The following ZNF737 variants were observed in gnomAD, a reference collection of about 807,000 sequenced individuals.
The protein encoded by ZNF737 is zinc finger protein 737, also known as zinc finger protein 102 (Y3).
In ZNF737, 13 loss-of-function variants were observed where a neutral mutation model predicts 11.7. The ratio of observed to expected loss-of-function variants is 1.11; its 90% CI spans 0.73 to 1.77. ZNF737 has a LOEUF of 1.77. ZNF737 is among the 40% of genes most tolerant of loss of function. The pLI is 0.00. For missense variants in ZNF737, 636 were observed against 638.0 expected (o/e 1.00, Z 0.03); for synonymous variants, 217 against 216.2 (o/e 1.00, Z -0.03).
rs926895674 is a variant in ZNF737 at position 20,543,181 on chromosome 19, G to A, written c.*1411C>T. The A allele has an allele frequency of 1.5e-5, 15 of 979,350 alleles. No homozygotes were observed. The highest frequency in any genetic ancestry group is 1.0e-3 in the Middle Eastern group (2 of 1,922). The allele number at this position is 979,350 out of a possible 1,614,324, so 60.7% of individuals were successfully genotyped here. On this transcript the variant is annotated 3_prime_UTR_variant, in exon 4 of 4. Coordinates refer to ENST00000427401, the MANE Select transcript of ZNF737 (RefSeq NM_001159293.2). ...TATATTTTAGCATAAACTCTCTGTTGTTTTCTAAGCTGTAGTTTCTGGGGA... is the reference window on the plus strand; with the variant it reads ...TATATTTTAGCATAAACTCTCTGTTATTTTCTAAGCTGTAGTTTCTGGGGA...
chr19:20,548,749 T>C (rs1393386955), intron 3 of ZNF737, among the ~76,000 whole-genome samples: 1 of 110,942 alleles, frequency 9.0e-6, no homozygotes, highest in Non-Finnish European at 1.9e-5. Flanking sequence ...GCTATTATTA[T>C]TATTATTTTT....
At chr19:20,552,204 A>C (rs1968701281) in intron 3 of ZNF737, among the ~76,000 whole-genome samples, 1 of 152,090 alleles carries the variant, frequency 6.6e-6, no homozygotes, top group African/African-American at 2.4e-5. Flanking sequence ...AGTATTTTAT[A>C]TGCCATGAAG....
At chr19:20,548,283 A>T (rs1342738920) in intron 3 of ZNF737, among the ~76,000 whole-genome samples, 1 of 152,232 alleles carries the variant, frequency 6.6e-6, no homozygotes, top group East Asian at 1.9e-4. Context: ...ATTTATAAAC[A>T]TATCAAAAAA....
rs1417413444 is a variant in ZNF737, at chr19:20,543,609, A to G, written c.*983T>C. The stretch of plus-strand genomic sequence containing the variant: ...AAGAACTGATTAAAAGTTTTGCCAC[A>G]TTCTTCACACTTGTAGGAGTTTTGC... On this transcript the variant is annotated 3_prime_UTR_variant, in exon 4 of 4. Transcript: ENST00000427401. 25 of 985,574 alleles carry G rather than the reference A, an allele frequency of 2.5e-5. No individual in the cohort carries two copies. In the South Asian group the frequency reaches 1.1e-3, roughly 44 times the overall value. The allele number at this position is 985,574 out of a possible 1,614,324, so 61.1% of individuals were successfully genotyped here.
downstream of ZNF737, among the ~76,000 whole-genome samples, chr19:20,534,321 A>G (rs1967900681): frequency 1.3e-5 from 2 of 150,056 alleles, no homozygotes; most frequent in Admixed American, 1.3e-4. Flanking sequence ...GGGTGCCTGT[A>G]ATACCAGGTA....
At position 20,538,832 on chromosome 19, in the gene ZNF737, C is replaced by T. The variant is rs1968081913; in HGVS notation, c.*5760G>A. On this transcript the variant is annotated 3_prime_UTR_variant, in exon 4 of 4. Transcript: ENST00000427401. ...CAACTTTAGTCATACTATTTTTTAGCAACTAATGGCATCTGTTACCCATTA... is the reference window on the plus strand; with the variant it reads ...CAACTTTAGTCATACTATTTTTTAGTAACTAATGGCATCTGTTACCCATTA... The T allele has an allele frequency of 4.1e-6, 4 of 985,228 alleles. No homozygotes were observed. Among genetic ancestry groups the T allele is most frequent in the Middle Eastern group, 5.2e-4 (1 of 1,912 alleles). 61.0% of individuals were successfully genotyped at this position (985,228 alleles called of 1,614,324 possible). A position where few individuals can be genotyped will look rare whatever the true frequency, so the allele number is the denominator to read the frequency against.
chr19:20,552,987 G>A (rs955854191), intron 2 of ZNF737, among the ~76,000 whole-genome samples: 2 of 151,010 alleles, frequency 1.3e-5, no homozygotes, highest in African/African-American at 2.4e-5. Flanking sequence ...ACTCCAGCCT[G>A]GGTGACAGAG....
At position 20,539,199 on chromosome 19, in the gene ZNF737, A is replaced by G. The variant is rs536352946; in HGVS notation, c.*5393T>C. ...CAGCTACTCAGGAGGCTGAGGCGGA[A>G]GAATCACTTGAACCAGGGAGGTGGA... On this transcript the variant is annotated 3_prime_UTR_variant, in exon 4 of 4. Transcript: ENST00000427401. 5 of 695,192 alleles carry G rather than the reference A, an allele frequency of 7.2e-6. No homozygotes were observed. The African/African-American group carries it at 9.7e-5, about 14-fold the overall frequency. The allele number at this position is 695,192 out of a possible 1,614,324, so 43.1% of individuals were successfully genotyped here.
chr19:20,556,250 C>G (rs1215058840), intron 1 of ZNF737, among the ~76,000 whole-genome samples: 3 of 152,150 alleles, frequency 2.0e-5, no homozygotes, highest in African/African-American at 2.4e-5. Flanking sequence ...ATACCTGATT[C>G]TGGCCTCACC....
At chr19:20,548,081 G>A (rs1555757428) in intron 3 of ZNF737, among the ~76,000 whole-genome samples, 1 of 152,110 alleles carries the variant, frequency 6.6e-6, no homozygotes, top group African/African-American at 2.4e-5. Flanking sequence ...GGCAGAGGTT[G>A]CAGTGAGCCG....
In ZNF737 at chr19:20,540,940, AATT is replaced by A. The variant is rs1555754975; in HGVS notation, c.*3649_*3651del. 1.0e-6 allele frequency: 1 copy of A among 974,966 alleles called. No homozygotes were observed. The highest frequency in any genetic ancestry group is 1.8e-5 in the African/African-American group (1 of 57,014). The allele number at this position is 974,966 out of a possible 1,614,324, so 60.4% of individuals were successfully genotyped here. A position where few individuals can be genotyped will look rare whatever the true frequency, so the allele number is the denominator to read the frequency against. ...CACATAGAACAATAAAAATATATCC[AATT>A]ATTCAATTTTGGTTGAATGTTCATT... On this transcript the variant is annotated 3_prime_UTR_variant, in exon 4 of 4. Coordinates refer to ENST00000427401, the MANE Select transcript of ZNF737 (RefSeq NM_001159293.2).
chr19:20,553,015 A>ACC (rs1568432531), intron 2 of ZNF737, among the ~76,000 whole-genome samples: 10 of 148,088 alleles, frequency 6.8e-5, no homozygotes, highest in African/African-American at 9.8e-5. Context: ...CTGTCCCCGA[A>ACC]AAAAAAAAAA....
Position 20,541,133 on chromosome 19 carries a change from C to G in ZNF737, c.*3459G>C. 1.0e-6 allele frequency: 1 copy of G among 982,382 alleles called. No homozygotes were observed. The highest frequency in any genetic ancestry group is 1.2e-6 in the Non-Finnish European group (1 of 827,216). The allele number at this position is 982,382 out of a possible 1,614,324, so 60.9% of individuals were successfully genotyped here. The stretch of plus-strand genomic sequence containing the variant: ...ACATTTTATATTAATAAATTCAATA[C>G]AAAGCAGAAAGTATAGATTTGCTTT... On this transcript the variant is annotated 3_prime_UTR_variant, in exon 4 of 4. Transcript: ENST00000427401.
intron 3 of ZNF737, among the ~76,000 whole-genome samples, chr19:20,546,283 A>G (rs1968453014): frequency 6.6e-6 from 1 of 152,176 alleles, no homozygotes; most frequent in African/African-American, 2.4e-5. Context: ...TCTCCAGTAT[A>G]ATATTGTGCC....
At chr19:20,536,761 G>A (rs1473594023), downstream of ZNF737, among the ~76,000 whole-genome samples, 2 of 152,110 alleles carry the variant, frequency 1.3e-5, no homozygotes, top group Non-Finnish European at 2.9e-5. Flanking sequence ...GGGCAACATG[G>A]CTAAACCTCT....
Position 20,538,121 on chromosome 19 carries a change from C to T in ZNF737, c.*6471G>A. The T allele has an allele frequency of 1.4e-6, 1 of 734,466 alleles. No individual in the cohort carries two copies. Among genetic ancestry groups the T allele is most frequent in the Admixed American group, 6.3e-5 (1 of 15,994 alleles). 45.5% of individuals were successfully genotyped at this position (734,466 alleles called of 1,614,324 possible). A position where few individuals can be genotyped will look rare whatever the true frequency, so the allele number is the denominator to read the frequency against. On this transcript the variant is annotated 3_prime_UTR_variant, in exon 4 of 4. Transcript: ENST00000427401. ...TAGAGGTTCCTCTTCAAAGACTTTT[C>T]TACCTAATTATGAATAGTAACTTCT...
At chr19:20,553,876 A>C (rs1555759662) in intron 1 of ZNF737, 41 bp from the exon 2 acceptor site, 1 of 1,594,098 alleles carries the variant, frequency 6.3e-7, no homozygotes, top group African/African-American at 1.4e-5. Context: ...CAAGTAGCCA[A>C]GGGTGGAATT....
downstream of ZNF737, among the ~76,000 whole-genome samples, chr19:20,531,074 G>A (rs1362514655): frequency 1.4e-5 from 2 of 146,730 alleles, no homozygotes; most frequent in South Asian, 2.3e-4. Context: ...AAAAAAATAC[G>A]AAAACCAGTC....
chr19:20,559,962 C>T (rs530479682), intron 1 of ZNF737, among the ~76,000 whole-genome samples: 2 of 151,448 alleles, frequency 1.3e-5, no homozygotes, highest in African/African-American at 2.4e-5. Flanking sequence ...GTCAGGAGAT[C>T]GAGACCATCC....
Sources: allele counts gnomAD v4.1 joint callset (sites outside exome capture counted in the v4.1 genomes callset), GRCh38; gene constraint gnomAD v4.1.1; transcripts MANE v1.5; gene names NCBI Gene and HGNC (gene_info 2026-07-23, HGNC 2026-07-21).